The following DIP2B variants were observed in gnomAD, a reference collection of about 807,000 sequenced individuals.
DIP2B encodes disco-interacting protein 2 homolog B.
In DIP2B, 76 loss-of-function variants were observed where a neutral mutation model predicts 198.0. That is an observed-to-expected ratio of 0.38 (90% CI 0.32 to 0.46). The LOEUF (loss-of-function observed/expected upper bound fraction) is 0.46. DIP2B is among the 20% of genes least tolerant of loss of function. DIP2B has a pLI of 0.99. For missense variants in DIP2B, 1,559 were observed against 1,978.4 expected (o/e 0.79, Z 4.02); for synonymous variants, 701 against 739.1 (o/e 0.95, Z 0.84).
intron 1 of DIP2B, among the ~76,000 whole-genome samples, chr12:50,573,036 G>A (rs527857915): frequency 2.0e-5 from 3 of 152,326 alleles, no homozygotes; most frequent in South Asian, 2.1e-4. Flanking sequence ...CATTCTGCAC[G>A]TGAGCTCTAA....
chr12:50,635,285 C>T (rs985787098), intron 2 of DIP2B, among the ~76,000 whole-genome samples: 1 of 152,168 alleles, frequency 6.6e-6, no homozygotes, highest in African/African-American at 2.4e-5. Flanking sequence ...TTATCTCCTG[C>T]TTCAGAATAA....
At chr12:50,556,832 C>T (rs1280178206) in intron 1 of DIP2B, among the ~76,000 whole-genome samples, 1 of 152,154 alleles carries the variant, frequency 6.6e-6, no homozygotes, top group African/African-American at 2.4e-5. Flanking sequence ...GCCTCAGCCT[C>T]CCAGGTAGCT....
At chr12:50,548,301 A>G (rs1278868796) in intron 1 of DIP2B, among the ~76,000 whole-genome samples, 4 of 152,136 alleles carry the variant, frequency 2.6e-5, no homozygotes. Flanking sequence ...CTAAAAATTA[A>G]TGGAGAGCAG....
rs189189289 is a variant in DIP2B, at chr12:50,545,000, A to G, written c.100+39760A>G. Among the ~76,000 whole-genome samples the G allele has an allele frequency of 6.0e-4, 92 of 152,284 alleles. No individual in the cohort carries two copies. In the Middle Eastern group the frequency reaches 0.027, roughly 45 times the overall value. On this transcript the variant is annotated intron_variant, in intron 1 of 37. Coordinates refer to ENST00000301180, the MANE Select transcript of DIP2B (RefSeq NM_173602.3). ...TAGCACTTTGGGAGGCCAAGATGGG[A>G]GAATCACTTGAGCCCAGGAGTTCAA...
At chr12:50,685,700 A>G in intron 10 of DIP2B, 133 bp from the exon 11 acceptor site, 1 of 1,006,700 alleles carries the variant, frequency 9.9e-7, no homozygotes, top group South Asian at 2.1e-5. Flanking sequence ...TTGGATTTTG[A>G]CAATTGCCAG....
intron 1 of DIP2B, among the ~76,000 whole-genome samples, chr12:50,609,447 T>G (rs1205577368): frequency 6.6e-6 from 1 of 152,256 alleles, no homozygotes; most frequent in African/African-American, 2.4e-5. Context: ...CTCTGCTTCA[T>G]GAGGGTATTG....
At chr12:50,611,367 A>G (rs1383909799) in intron 1 of DIP2B, among the ~76,000 whole-genome samples, 1 of 152,142 alleles carries the variant, frequency 6.6e-6, no homozygotes, top group Non-Finnish European at 1.5e-5. Context: ...CTGCGAGATC[A>G]TTTTTATTCT....
chr12:50,706,754 C>G, intron 21 of DIP2B, 89 bp downstream of exon 21: 1 of 1,479,042 alleles, frequency 6.8e-7, no homozygotes, highest in Non-Finnish European at 9.2e-7. Flanking sequence ...TTTGTAGGTT[C>G]TCTTTCCAAG....
At chr12:50,686,798 G>A in intron 12 of DIP2B, 116 bp downstream of exon 12, 1 of 913,704 alleles carries the variant, frequency 1.1e-6, no homozygotes, top group Non-Finnish European at 1.6e-6. Context: ...CTCCTGCTTT[G>A]TGAGATTTCC....
Position 50,732,416 on chromosome 12 carries a change from G to A in DIP2B, c.3861G>A (p.Glu1287=), listed in dbSNP as rs780713538. ...SCVRTCVVVA[E]ERPRVALQQS... ...TCCGGACCTGTGTGGTGGTGGCGGA[G>A]GAGAGGCCCCGCGTTGCACTCCAGC... is the stretch of plus-strand genomic sequence containing the variant. Residue 1287 remains glutamate, a synonymous_variant, in exon 32 of 38, where the codon GAG becomes GAA. Coordinates refer to ENST00000301180, the MANE Select transcript of DIP2B (RefSeq NM_173602.3). 3 of 1,614,130 alleles carry A rather than the reference G, an allele frequency of 1.9e-6. No homozygotes were observed. In the African/African-American group the frequency reaches 4.0e-5, roughly 22 times the overall value.
At chr12:50,510,020 G>A (rs573082692) in intron 1 of DIP2B, among the ~76,000 whole-genome samples, 1 of 152,298 alleles carries the variant, frequency 6.6e-6, no homozygotes, top group South Asian at 2.1e-4. Flanking sequence ...CAGAGCCTGT[G>A]ACACATTCCT....
At chr12:50,656,792 G>A (rs561667565) in intron 3 of DIP2B, among the ~76,000 whole-genome samples, 2 of 152,142 alleles carry the variant, frequency 1.3e-5, no homozygotes, top group South Asian at 2.1e-4. Context: ...GGCTGGTTTC[G>A]AACTCCTGAC....
intron 3 of DIP2B, among the ~76,000 whole-genome samples, chr12:50,655,348 A>C (rs1023763124): frequency 2.0e-5 from 3 of 152,250 alleles, no homozygotes; most frequent in African/African-American, 7.2e-5. Context: ...GTAAATATGT[A>C]TGTATCTACT....
intron 20 of DIP2B, among the ~76,000 whole-genome samples, chr12:50,705,246 G>A (rs912770894): frequency 6.6e-6 from 1 of 152,148 alleles, no homozygotes; most frequent in Non-Finnish European, 1.5e-5. Flanking sequence ...AGTCATATAA[G>A]AGATCTAATT....
intron 1 of DIP2B, among the ~76,000 whole-genome samples, chr12:50,598,956 A>G (rs1402918035): frequency 2.4e-5 from 2 of 83,162 alleles, no homozygotes; most frequent in Non-Finnish European, 4.5e-5. Flanking sequence ...GTAGATTCCT[A>G]GAAGAAGTAT....
At chr12:50,632,252 C>T (rs1264191363) in intron 2 of DIP2B, among the ~76,000 whole-genome samples, 2 of 151,664 alleles carry the variant, frequency 1.3e-5, no homozygotes, top group Non-Finnish European at 2.9e-5. Context: ...TTTGGGAGGC[C>T]GAGGTGGGCC....
chr12:50,552,900 A>G (rs554308029), intron 1 of DIP2B, among the ~76,000 whole-genome samples: 17 of 151,750 alleles, frequency 1.1e-4, no homozygotes, highest in East Asian at 1.9e-4. Flanking sequence ...CAGTGGTGCA[A>G]TCTTGGCTCA....
intron 5 of DIP2B, 99 bp downstream of exon 5, chr12:50,671,497 C>A: frequency 1.4e-5 from 17 of 1,175,674 alleles, no homozygotes; most frequent in African/African-American, 1.5e-5. Flanking sequence ...TTCAGTATGG[C>A]CTAAAAAAAA....
intron 1 of DIP2B, among the ~76,000 whole-genome samples, chr12:50,577,369 A>G (rs1417444384): frequency 6.6e-6 from 1 of 151,922 alleles, no homozygotes; most frequent in Non-Finnish European, 1.5e-5. Flanking sequence ...GCCTCTACTA[A>G]AAATACAAAA....
Sources: gnomAD v4.1 joint callset for allele counts (sites outside exome capture counted in the v4.1 genomes callset) on GRCh38, gnomAD v4.1.1 for gene constraint, MANE v1.5 for transcripts, NCBI Gene and HGNC (gene_info 2026-07-23, HGNC 2026-07-21) for gene names.